Variants in LRRC4C observed in about 807,000 individuals in gnomAD.
LRRC4C encodes leucine-rich repeat-containing protein 4C.
LRRC4C carries 5 observed loss-of-function variants against 33.6 expected under a neutral mutation model. The ratio of observed to expected loss-of-function variants is 0.15; its 90% CI spans 0.08 to 0.31. LRRC4C has a LOEUF of 0.31. LRRC4C is among the 10% of genes least tolerant of loss of function. The pLI is 1.00. For synonymous variants in LRRC4C, 329 were observed against 302.0 expected (o/e 1.09, Z -0.93); for missense variants, 560 against 796.7 (o/e 0.70, Z 3.58).
intron 2 of LRRC4C, among the ~76,000 whole-genome samples, chr11:40,772,945 A>G (rs1377591270): frequency 6.6e-6 from 1 of 152,232 alleles, no homozygotes; most frequent in African/African-American, 2.4e-5. Flanking sequence ...ATTTGGAAGC[A>G]ACCTAAGTGT....
In LRRC4C at chr11:41,240,095, A is replaced by G. The variant is rs145630963; in HGVS notation, c.-496+219336T>C. Among the ~76,000 whole-genome samples the G allele has an allele frequency of 1.6e-4, 25 of 152,320 alleles. No individual in the cohort carries two copies. In the East Asian group the frequency reaches 2.3e-3, roughly 14 times the overall value. ...TCAAATGTCAAAGCTTAGACTATGA[A>G]CTAACAAACTCCAGCTTCAAAAGTG... On this transcript the variant is annotated intron_variant, in intron 1 of 6. Transcript: ENST00000528697.
At chr11:41,146,336 T>C (rs1023866218) in intron 1 of LRRC4C, among the ~76,000 whole-genome samples, 2 of 152,244 alleles carry the variant, frequency 1.3e-5, no homozygotes, top group South Asian at 2.1e-4. Flanking sequence ...AGGTGCTTAA[T>C]TGACTGAACT....
chr11:40,763,128 T>C (rs1256313866), intron 2 of LRRC4C, among the ~76,000 whole-genome samples: 4 of 151,346 alleles, frequency 2.6e-5, no homozygotes, highest in South Asian at 4.2e-4. Context: ...TGTGTATACA[T>C]ATATATACAC....
At chr11:41,408,309 C>T (rs770636981) in intron 1 of LRRC4C, among the ~76,000 whole-genome samples, 19 of 152,214 alleles carry the variant, frequency 1.2e-4, no homozygotes, top group South Asian at 2.1e-4. Flanking sequence ...TACAAACTAA[C>T]GAATATTAAT....
At position 40,658,798 on chromosome 11, in the gene LRRC4C, A is replaced by G. The variant is rs529003413; in HGVS notation, c.-406-10520T>C. Among the ~76,000 whole-genome samples the G allele has an allele frequency of 4.6e-5, 7 of 152,354 alleles. 1 individual carries two copies. The highest frequency in any genetic ancestry group is 6.5e-5 in the Admixed American group (1 of 15,310). On this transcript the variant is annotated intron_variant, in intron 2 of 6. Coordinates refer to ENST00000528697, the MANE Select transcript of LRRC4C (RefSeq NM_001258419.2). ...CTAGGTATAGGAACAATGGAAATGC[A>G]TATGGTCAATATCTAGTGTTAAGTA...
intron 1 of LRRC4C, among the ~76,000 whole-genome samples, chr11:40,950,618 A>T (rs969834707): frequency 1.3e-5 from 2 of 152,068 alleles, no homozygotes; most frequent in Non-Finnish European, 2.9e-5. Flanking sequence ...GCTATAAATT[A>T]TTTATTTCTA....
intron 6 of LRRC4C, among the ~76,000 whole-genome samples, chr11:40,130,404 T>C (rs1235445483): frequency 6.6e-6 from 1 of 152,162 alleles, no homozygotes; most frequent in East Asian, 1.9e-4. Flanking sequence ...GATTAATACA[T>C]GTTATTCCTT....
At chr11:40,407,288 A>G (rs930649320) in intron 3 of LRRC4C, among the ~76,000 whole-genome samples, 2 of 152,130 alleles carry the variant, frequency 1.3e-5, no homozygotes, top group Admixed American at 6.6e-5. Flanking sequence ...CTCCTCACAC[A>G]TGAGCCAAAC....
intron 1 of LRRC4C, among the ~76,000 whole-genome samples, chr11:41,207,917 G>A (rs778293735): frequency 2.0e-4 from 30 of 152,126 alleles, no homozygotes; most frequent in Non-Finnish European, 4.3e-4. Flanking sequence ...CCCTGGGTGG[G>A]GGGTAAAAGC....
At chr11:41,133,945 A>T (rs1943138078) in intron 1 of LRRC4C, among the ~76,000 whole-genome samples, 1 of 152,148 alleles carries the variant, frequency 6.6e-6, no homozygotes, top group Non-Finnish European at 1.5e-5. Flanking sequence ...ATTGATTTAT[A>T]TCTGCCTGTA....
intron 3 of LRRC4C, among the ~76,000 whole-genome samples, chr11:40,485,141 AG>A (rs1953788909): frequency 6.6e-6 from 1 of 152,052 alleles, no homozygotes; most frequent in Non-Finnish European, 1.5e-5. Context: ...AAGATGCAGA[AG>A]GCAGCTTAAA....
chr11:41,198,806 C>T (rs921308353), intron 1 of LRRC4C, among the ~76,000 whole-genome samples: 5 of 151,988 alleles, frequency 3.3e-5, no homozygotes, highest in Admixed American at 3.3e-4. Flanking sequence ...ACATGTATTT[C>T]AATCTCACAT....
At chr11:40,648,607 G>T (rs1942602275) in intron 2 of LRRC4C, among the ~76,000 whole-genome samples, 1 of 152,170 alleles carries the variant, frequency 6.6e-6, no homozygotes, top group African/African-American at 2.4e-5. Flanking sequence ...GAGGTAAGAA[G>T]GTGGAAAGGA....
chr11:40,860,540 G>C (rs978934453), intron 2 of LRRC4C, among the ~76,000 whole-genome samples: 3 of 152,026 alleles, frequency 2.0e-5, no homozygotes, highest in African/African-American at 7.2e-5. Flanking sequence ...AGCGATCTTT[G>C]GAGTCCCTTG....
chr11:41,419,784 T>C (rs770523580), intron 1 of LRRC4C, among the ~76,000 whole-genome samples: 18 of 151,888 alleles, frequency 1.2e-4, no homozygotes, highest in Non-Finnish European at 2.7e-4. Context: ...AAGTCACATA[T>C]GAAGGTTTCA....
chr11:41,053,549 G>C (rs1858406834), intron 1 of LRRC4C, among the ~76,000 whole-genome samples: 1 of 152,108 alleles, frequency 6.6e-6, no homozygotes, highest in South Asian at 2.1e-4. Context: ...CCTGATGTAG[G>C]GAAACTGTGA....
chr11:40,324,251 A>G (rs1359855024), intron 3 of LRRC4C, among the ~76,000 whole-genome samples: 3 of 152,236 alleles, frequency 2.0e-5, no homozygotes, highest in Non-Finnish European at 4.4e-5. Flanking sequence ...ATTTTAAGCA[A>G]GCTTGATTCT....
chr11:40,299,896 A>G (rs967965805), intron 4 of LRRC4C, among the ~76,000 whole-genome samples: 1 of 152,342 alleles, frequency 6.6e-6, no homozygotes, highest in African/African-American at 2.4e-5. Flanking sequence ...GGCCAGACCA[A>G]GAGGATTTCA....
At chr11:40,932,450 T>C (rs1188535498) in intron 2 of LRRC4C, among the ~76,000 whole-genome samples, 2 of 152,106 alleles carry the variant, frequency 1.3e-5, no homozygotes, top group African/African-American at 2.4e-5. Flanking sequence ...TGATGGGGAA[T>C]AGTTTTGCTT....
Sources: allele counts gnomAD v4.1 joint callset (sites outside exome capture counted in the v4.1 genomes callset), GRCh38; gene constraint gnomAD v4.1.1; transcripts MANE v1.5; gene names NCBI Gene and HGNC (gene_info 2026-07-23, HGNC 2026-07-21).